LPP: variants seen among roughly 807,000 people sequenced by gnomAD.
The protein encoded by LPP is LIM domain containing preferred translocation partner in lipoma, also known as lipoma-preferred partner.
A neutral mutation model predicts 60.4 loss-of-function variants in LPP; 38 were observed. The observed-to-expected ratio is 0.63, with a 90% CI of 0.49 to 0.83. The LOEUF (loss-of-function observed/expected upper bound fraction) is 0.83, where lower values mean the gene tolerates loss of function less well. Ranked by LOEUF, LPP falls within the 40% of genes least tolerant of loss-of-function variation. The pLI is 0.00. For synonymous variants in LPP, 328 were observed against 290.8 expected (o/e 1.13, Z -1.30); for missense variants, 902 against 783.6 (o/e 1.15, Z -1.80).
intron 7 of LPP, among the ~76,000 whole-genome samples, chr3:188,661,019 C>T (rs1053114739): frequency 3.9e-5 from 6 of 152,114 alleles, no homozygotes; most frequent in South Asian, 2.1e-4. Flanking sequence ...CCCCCAACCC[C>T]GGTAACCCCT....
intron 5 of LPP, among the ~76,000 whole-genome samples, chr3:188,512,558 T>TATAA (rs10663448): frequency 0.61 from 85,185 of 140,428 alleles, 26,443 homozygotes; most frequent in Middle Eastern, 0.68. Context: ...AAACCCGGTC[T>TATAA]ATAAATAAAT....
intron 2 of LPP, among the ~76,000 whole-genome samples, chr3:188,237,779 C>T (rs1323156996): frequency 6.6e-6 from 1 of 152,024 alleles, no homozygotes; most frequent in African/African-American, 2.4e-5. Context: ...AGAGCACAGG[C>T]AGAGTAGATT....
chr3:188,529,980 G>T (rs966495351), intron 6 of LPP, among the ~76,000 whole-genome samples: 1 of 152,228 alleles, frequency 6.6e-6, no homozygotes, highest in Non-Finnish European at 1.5e-5. Flanking sequence ...AGAGGACTGC[G>T]TAGAGCAGGC....
At chr3:188,711,325 C>G (rs1866592510) in intron 8 of LPP, 1 of 152,098 alleles carries the variant, frequency 6.6e-6, no homozygotes, top group African/African-American at 2.4e-5. Flanking sequence ...GAAAACATAA[C>G]CCTGTGAAAT....
intron 10 of LPP, among the ~76,000 whole-genome samples, chr3:188,872,063 C>T (rs572059871): frequency 6.6e-6 from 1 of 152,248 alleles, no homozygotes; most frequent in South Asian, 2.1e-4. Flanking sequence ...GAAATGCAGA[C>T]TTGGCCACTT....
intron 2 of LPP, among the ~76,000 whole-genome samples, chr3:188,240,904 G>A (rs1053984176): frequency 6.6e-6 from 1 of 152,290 alleles, no homozygotes; most frequent in African/African-American, 2.4e-5. Context: ...CGTGTGGAGA[G>A]CAAGGCCAGT....
intron 6 of LPP, among the ~76,000 whole-genome samples, chr3:188,554,853 T>C (rs1325706140): frequency 6.6e-6 from 1 of 152,176 alleles, no homozygotes; most frequent in Non-Finnish European, 1.5e-5. Flanking sequence ...AGCTGTCTTA[T>C]AGAGGGTGAG....
chr3:188,339,794 C>A (rs1762568761), intron 2 of LPP, among the ~76,000 whole-genome samples: 1 of 152,200 alleles, frequency 6.6e-6, no homozygotes, highest in Non-Finnish European at 1.5e-5. Flanking sequence ...CAAAACTTCA[C>A]TGGTACAGAC....
intron 3 of LPP, among the ~76,000 whole-genome samples, chr3:188,346,548 G>A (rs1202327885): frequency 2.0e-5 from 3 of 151,924 alleles, no homozygotes; most frequent in Admixed American, 6.6e-5. Flanking sequence ...ACAGGTGTGA[G>A]CCACCGTGCC....
chr3:188,639,252 A>G (rs1849530648), intron 7 of LPP, among the ~76,000 whole-genome samples: 1 of 151,884 alleles, frequency 6.6e-6, no homozygotes. Flanking sequence ...CCTGAGAAAA[A>G]CAAGCAATGG....
intron 3 of LPP, among the ~76,000 whole-genome samples, chr3:188,402,755 T>C (rs370906707): frequency 1.1e-4 from 16 of 152,368 alleles, no homozygotes; most frequent in African/African-American, 3.8e-4. Context: ...TTCCAACTTG[T>C]TGGGACATGT....
chr3:188,410,096 G>A (rs558508607), intron 4 of LPP, among the ~76,000 whole-genome samples: 1 of 152,292 alleles, frequency 6.6e-6, no homozygotes, highest in South Asian at 2.1e-4. Context: ...AACTTTGAGA[G>A]TCAGGGGCTG....
Position 188,602,177 on chromosome 3 carries a change from T to TATATATATAATATATATATATATATAAA in LPP, c.430-6975_430-6974insATATATATATATATATAAAATATATATA, listed in dbSNP as rs1841458686. Among the ~76,000 whole-genome samples, 347 of 115,256 alleles carry TATATATATAATATATATATATATATAAA rather than the reference T, an allele frequency of 3.0e-3. 8 individuals are homozygous for TATATATATAATATATATATATATATAAA. Among genetic ancestry groups the TATATATATAATATATATATATATATAAA allele is most frequent in the African/African-American group, 0.01 (322 of 31,666 alleles). 75.6% of individuals were successfully genotyped at this position (115,256 alleles called of 152,430 possible). On this transcript the variant is annotated intron_variant, in intron 6 of 11. Transcript: ENST00000617246. ...TAATATATATATAATATATATATATTATATATATATATGACATTCTTAATC... is the reference window on the plus strand; with the variant it reads ...TAATATATATATAATATATATATATTATATATATAATATATATATATATATAAAATATATATATATGACATTCTTAATC...
rs534630588 is a variant in LPP at position 188,188,653 on chromosome 3, G to A, written c.-190+34401G>A. On this transcript the variant is annotated intron_variant, in intron 1 of 11. Coordinates refer to ENST00000617246, the MANE Select transcript of LPP (RefSeq NM_001375462.1). ...ACAAGATCTACAACTGCTTCTACAC[G>A]TGGTATATAAGGAAGGGTTTGAGGA... 2.6e-5 allele frequency among the ~76,000 whole-genome samples: 4 copies of A among 152,204 alleles called. No individual in the cohort carries two copies. In the South Asian group the frequency reaches 6.2e-4, roughly 24 times the overall value.
chr3:188,218,111 G>C (rs922815334), intron 1 of LPP, among the ~76,000 whole-genome samples: 1 of 152,206 alleles, frequency 6.6e-6, no homozygotes, highest in Non-Finnish European at 1.5e-5. Context: ...TGTGAGATGG[G>C]TCTGGAAGGC....
In LPP at chr3:188,699,721, A is replaced by G. The variant is rs184937984; in HGVS notation, c.1114-8546A>G. Among the ~76,000 whole-genome samples the G allele has an allele frequency of 7.3e-3, 1,107 of 152,248 alleles. 4 individuals are homozygous for G. Among genetic ancestry groups the G allele is most frequent in the Non-Finnish European group, 0.011 (720 of 68,008 alleles). On this transcript the variant is annotated intron_variant, in intron 7 of 11. Coordinates refer to ENST00000617246, the MANE Select transcript of LPP (RefSeq NM_001375462.1). ...GTTCATTTAGAAGATTTCAATTCAGATAGTCAGGTATCCACCTTCCACTTC... is the reference window on the plus strand; with the variant it reads ...GTTCATTTAGAAGATTTCAATTCAGGTAGTCAGGTATCCACCTTCCACTTC...
intron 6 of LPP, among the ~76,000 whole-genome samples, chr3:188,603,854 T>C (rs1841911956): frequency 6.6e-6 from 1 of 152,204 alleles, no homozygotes; most frequent in African/African-American, 2.4e-5. Flanking sequence ...TGTATATTCC[T>C]TGGCCATATG....
At chr3:188,246,360 A>G (rs1020473513) in intron 2 of LPP, among the ~76,000 whole-genome samples, 5 of 152,164 alleles carry the variant, frequency 3.3e-5, no homozygotes, top group African/African-American at 1.2e-4. Context: ...GGAAGCAGAT[A>G]CCCTGCAATT....
chr3:188,448,592 A>G (rs1436996282), intron 4 of LPP, among the ~76,000 whole-genome samples: 1 of 152,164 alleles, frequency 6.6e-6, no homozygotes, highest in Non-Finnish European at 1.5e-5. Flanking sequence ...CCAATCAGAA[A>G]GACGATCTCT....
Sources: allele counts gnomAD v4.1 joint callset (sites outside exome capture counted in the v4.1 genomes callset), GRCh38; gene constraint gnomAD v4.1.1; transcripts MANE v1.5; gene names NCBI Gene and HGNC (gene_info 2026-07-23, HGNC 2026-07-21).